The following YIPF4 variants were observed in gnomAD, a reference collection of about 807,000 sequenced individuals.
YIPF4 encodes the protein Yip1 domain family member 4.
In YIPF4, 18 loss-of-function variants were observed where a neutral mutation model predicts 29.4. The observed-to-expected ratio is 0.61, with a 90% CI of 0.42 to 0.91. The LOEUF is 0.91. Among genes scored for constraint, YIPF4 ranks in the 40% least tolerant of loss-of-function variants. YIPF4 has a pLI of 0.00. For missense variants in YIPF4, 279 were observed against 282.7 expected, an observed-to-expected ratio of 0.99 and a Z score of 0.09; for synonymous variants, 115 against 104.7, an observed-to-expected ratio of 1.10 and a Z score of -0.60.
chr2:32,287,913 A>G (rs903814857), intron 1 of YIPF4, among the ~76,000 whole-genome samples: 9 of 152,244 alleles, frequency 5.9e-5, no homozygotes, highest in African/African-American at 2.2e-4. Context: ...TTTTATATAT[A>G]GTATAGTAAG....
intron 1 of YIPF4, among the ~76,000 whole-genome samples, chr2:32,278,457 T>A (rs398290): frequency 7.3e-4 from 111 of 151,922 alleles, no homozygotes; most frequent in Non-Finnish European, 1.2e-4. Context: ...CGGTCAGCCC[T>A]TGGTTTTCCC....
intron 4 of YIPF4, among the ~76,000 whole-genome samples, chr2:32,300,924 A>C (rs1041168253): frequency 6.6e-6 from 1 of 152,224 alleles, no homozygotes; most frequent in African/African-American, 2.4e-5. Context: ...TAAAGTAGTC[A>C]CTAAAAAATA....
intron 3 of YIPF4, among the ~76,000 whole-genome samples, chr2:32,294,336 C>T (rs2031078097): frequency 6.6e-6 from 1 of 151,740 alleles, no homozygotes; most frequent in Non-Finnish European, 1.5e-5. Context: ...CGGACGGGCT[C>T]CTCACTTCTC....
At chr2:32,304,316 GA>G (rs992730178) in intron 5 of YIPF4, among the ~76,000 whole-genome samples, 5 of 151,392 alleles carry the variant, frequency 3.3e-5, no homozygotes, top group African/African-American at 1.2e-4. Context: ...CATTTATAAT[GA>G]AAAAAATCTA....
intron 3 of YIPF4, among the ~76,000 whole-genome samples, chr2:32,296,940 T>C (rs1307164584): frequency 1.3e-5 from 2 of 152,174 alleles, no homozygotes; most frequent in Non-Finnish European, 2.9e-5. Context: ...TCCAGTACTG[T>C]CATAATTTAT....
Position 32,310,931 on chromosome 2 carries a change from T to C in YIPF4, c.*5305T>C, listed in dbSNP as rs891858274. 4 of 152,030 alleles carry C rather than the reference T, an allele frequency of 2.6e-5. No individual in the cohort carries two copies. The highest frequency in any genetic ancestry group is 5.9e-5 in the Non-Finnish European group (4 of 68,000). 9.4% of individuals were successfully genotyped at this position (152,030 alleles called of 1,614,324 possible). ...TAAGTTGACCCGCACTATTCAAATT[T>C]GTGGTGTTCAAGGTTCAACTGTAAT... is the stretch of plus-strand genomic sequence containing the variant. On this transcript the variant is annotated 3_prime_UTR_variant, in exon 6 of 6. Transcript: ENST00000238831.
At chr2:32,287,514 G>T (rs1217524572) in intron 1 of YIPF4, among the ~76,000 whole-genome samples, 1 of 152,150 alleles carries the variant, frequency 6.6e-6, no homozygotes, top group East Asian at 1.9e-4. Flanking sequence ...TTTATTGCAG[G>T]ATACTCTTCT....
At chr2:32,287,646 G>A (rs1159404982) in intron 1 of YIPF4, among the ~76,000 whole-genome samples, 2 of 152,132 alleles carry the variant, frequency 1.3e-5, no homozygotes, top group Non-Finnish European at 2.9e-5. Flanking sequence ...TTCAGAGAAA[G>A]GACCCCATAC....
At chr2:32,296,733 G>A (rs1176330965) in intron 3 of YIPF4, among the ~76,000 whole-genome samples, 1 of 152,154 alleles carries the variant, frequency 6.6e-6, no homozygotes, top group Non-Finnish European at 1.5e-5. Context: ...CCAGTATAAA[G>A]TTACTATTTT....
Position 32,306,370 on chromosome 2 carries a change from C to T in YIPF4, c.*744C>T, listed in dbSNP as rs2031582614. 1.0e-6 allele frequency: 1 copy of T among 985,630 alleles called. No individual in the cohort carries two copies. The allele number at this position is 985,630 out of a possible 1,614,324, so 61.1% of individuals were successfully genotyped here. A position where few individuals can be genotyped will look rare whatever the true frequency, so the allele number is the denominator to read the frequency against. On this transcript the variant is annotated 3_prime_UTR_variant, in exon 6 of 6. Coordinates refer to ENST00000238831, the MANE Select transcript of YIPF4 (RefSeq NM_032312.4). ...TGATTTAAAGTTTCTGTTTATCTTTCTGACCAAAGGAGCAAGAGGTATAAT... is the reference window on the plus strand; with the variant it reads ...TGATTTAAAGTTTCTGTTTATCTTTTTGACCAAAGGAGCAAGAGGTATAAT...
chr2:32,300,040 G>A (rs945762669), intron 4 of YIPF4, among the ~76,000 whole-genome samples: 12 of 152,172 alleles, frequency 7.9e-5, no homozygotes. Flanking sequence ...GCCGGGGCGG[G>A]TGGATCACCT....
In YIPF4 at chr2:32,312,487, CAAAAAAAAAAAAAAAA is replaced by C. The variant is rs35334643; in HGVS notation, c.*6878_*6893del. 6 of 37,376 alleles carry C rather than the reference CAAAAAAAAAAAAAAAA, an allele frequency of 1.6e-4. No homozygotes were observed. Among genetic ancestry groups the C allele is most frequent in the African/African-American group, 6.6e-4 (5 of 7,618 alleles). 2.3% of individuals were successfully genotyped at this position (37,376 alleles called of 1,614,324 possible). ...TGGGCGACAGAGCGAGAATCCGTCT[CAAAAAAAAAAAAAAAA>C]AAAAAAAAAAAAAAAATTATTTTCA... On this transcript the variant is annotated 3_prime_UTR_variant, in exon 6 of 6. Coordinates refer to ENST00000238831, the MANE Select transcript of YIPF4 (RefSeq NM_032312.4).
rs897018583 is a variant in YIPF4, at chr2:32,287,439, T to C, written c.80-3044T>C. 2.0e-5 allele frequency among the ~76,000 whole-genome samples: 3 copies of C among 152,284 alleles called. No individual in the cohort carries two copies. In the East Asian group the frequency reaches 5.8e-4, roughly 29 times the overall value. ...GATTTTTGTCCTTGCTCTTGTTGCT[T>C]ATTAAATAAGGAAAAGCTTCTTTAC... On this transcript the variant is annotated intron_variant, in intron 1 of 5. Transcript: ENST00000238831.
At chr2:32,297,273 T>C (rs183543770) in intron 3 of YIPF4, among the ~76,000 whole-genome samples, 80 of 152,176 alleles carry the variant, frequency 5.3e-4, no homozygotes, top group Non-Finnish European at 8.2e-4. Flanking sequence ...TACAGGCATG[T>C]GCCACCATGC....
rs1469704479 is a variant in YIPF4 at position 32,310,396 on chromosome 2, T to C, written c.*4770T>C. On this transcript the variant is annotated 3_prime_UTR_variant, in exon 6 of 6. Coordinates refer to ENST00000238831, the MANE Select transcript of YIPF4 (RefSeq NM_032312.4). ...AATTAGAAGTGCTTCATTCCTCATT[T>C]GTGTACAGCTGTTCCTCTATATACG... 2.0e-5 allele frequency: 3 copies of C among 152,128 alleles called. No individual in the cohort carries two copies. The highest frequency in any genetic ancestry group is 7.2e-5 in the African/African-American group (3 of 41,426). The allele number at this position is 152,128 out of a possible 1,614,324, so 9.4% of individuals were successfully genotyped here. A position where few individuals can be genotyped will look rare whatever the true frequency, so the allele number is the denominator to read the frequency against.
chr2:32,290,525 T>C lies in YIPF4; in HGVS notation c.122T>C (p.Leu41Pro), dbSNP rs762962341. 6.3e-7 allele frequency: 1 copy of C among 1,579,142 alleles called. No homozygotes were observed. Among genetic ancestry groups the C allele is most frequent in the South Asian group, 1.2e-5 (1 of 85,506 alleles). ...SIASPDVKLNLGGDFIKESTA... is the reference protein window; with the variant it reads ...SIASPDVKLNPGGDFIKESTA... ...GCATCCCCAGATGTCAAATTAAATC[T>C]TGGTGGAGATTTTATCAAAGAATCT... The change falls in exon 2 of 6, where the codon CTT becomes CCT. Residue 41 changes from leucine (L) to proline (P), a missense_variant. Leu to Pro is a moderately conservative substitution (Grantham distance 98, BLOSUM62 -3). Coordinates refer to ENST00000238831, the MANE Select transcript of YIPF4 (RefSeq NM_032312.4).
chr2:32,288,518 A>G (rs2030777661), intron 1 of YIPF4, among the ~76,000 whole-genome samples: 2 of 152,144 alleles, frequency 1.3e-5, no homozygotes. Flanking sequence ...GTTAAGAAAA[A>G]ACACTCTTGG....
chr2:32,297,109 G>C (rs1277397252), intron 3 of YIPF4, among the ~76,000 whole-genome samples: 2 of 151,384 alleles, frequency 1.3e-5, no homozygotes, highest in Non-Finnish European at 2.9e-5. Context: ...CCCCAGCCTT[G>C]GAATCAACCG....
At chr2:32,287,343 T>C (rs2030721657) in intron 1 of YIPF4, among the ~76,000 whole-genome samples, 2 of 152,166 alleles carry the variant, frequency 1.3e-5, no homozygotes, top group Admixed American at 6.6e-5. Flanking sequence ...GTGGCACATA[T>C]ACACAACTCT....
Sources: gnomAD v4.1 joint callset for allele counts (sites outside exome capture counted in the v4.1 genomes callset) on GRCh38, gnomAD v4.1.1 for gene constraint, MANE v1.5 for transcripts, NCBI Gene and HGNC (gene_info 2026-07-23, HGNC 2026-07-21) for gene names.